The following SLC25A21 variants were observed in gnomAD, a reference collection of about 807,000 sequenced individuals.
The protein encoded by SLC25A21 is mitochondrial 2-oxodicarboxylate carrier.
In SLC25A21, 47 loss-of-function variants were observed where a neutral mutation model predicts 43.8. The observed-to-expected ratio is 1.07, with a 90% CI of 0.85 to 1.37. SLC25A21 has a LOEUF of 1.37. Among genes scored for constraint, SLC25A21 ranks in the 40% most tolerant of loss-of-function variants. The probability of loss-of-function intolerance (pLI) is 0.00; values close to 1 mark genes in which losing one functional copy is unlikely to be tolerated. For synonymous variants in SLC25A21, 131 were observed against 121.3 expected (o/e 1.08, Z -0.52); for missense variants, 352 against 350.2 (o/e 1.00, Z -0.04).
chr14:36,712,781 C>T (rs766051997), intron 6 of SLC25A21, among the ~76,000 whole-genome samples: 1 of 152,038 alleles, frequency 6.6e-6, no homozygotes, highest in African/African-American at 2.4e-5. Context: ...ACATATCATA[C>T]AGGAAAACCA....
chr14:36,855,527 A>C (rs8010503), intron 2 of SLC25A21, among the ~76,000 whole-genome samples: 11,470 of 152,210 alleles, frequency 0.075, 597 homozygotes, highest in East Asian at 0.21. Context: ...CCAATCCAGA[A>C]AGATCCAGTC....
chr14:36,825,099 C>A (rs139338144), intron 2 of SLC25A21, among the ~76,000 whole-genome samples: 79 of 152,306 alleles, frequency 5.2e-4, no homozygotes, highest in African/African-American at 1.8e-3. Flanking sequence ...TGCATCGATA[C>A]ATTCTGGACA....
intron 3 of SLC25A21, among the ~76,000 whole-genome samples, chr14:36,808,495 A>G (rs922893757): frequency 1.3e-5 from 2 of 152,204 alleles, no homozygotes; most frequent in African/African-American, 4.8e-5. Flanking sequence ...ATTTGAGGCT[A>G]GGAATATCAA....
rs1362067781 is a variant in SLC25A21, at chr14:36,819,020, C to G, written c.120-5019G>C. Among the ~76,000 whole-genome samples, 3 of 152,182 alleles carry G rather than the reference C, an allele frequency of 2.0e-5. No homozygotes were observed. In the East Asian group the frequency reaches 5.8e-4, roughly 29 times the overall value. On this transcript the variant is annotated intron_variant, in intron 2 of 9. Transcript: ENST00000331299. Reference sequence around the variant, plus strand: ...AGCAGCTTAAATACATCTGGAATATCCATCTGAGTAACTTCTTTTATTAGG... The same window carrying G: ...AGCAGCTTAAATACATCTGGAATATGCATCTGAGTAACTTCTTTTATTAGG...
intron 1 of SLC25A21, among the ~76,000 whole-genome samples, chr14:36,961,587 G>C (rs1274236696): frequency 6.6e-6 from 1 of 152,116 alleles, no homozygotes; most frequent in Non-Finnish European, 1.5e-5. Flanking sequence ...CTCCCTTACT[G>C]TCCTTAGCCT....
chr14:36,715,393 A>G (rs1446313915), intron 6 of SLC25A21, among the ~76,000 whole-genome samples: 1 of 152,222 alleles, frequency 6.6e-6, no homozygotes, highest in Non-Finnish European at 1.5e-5. Context: ...AAACACATGG[A>G]ATTTTACTAA....
At chr14:37,161,150 C>A (rs1963934284) in intron 1 of SLC25A21, among the ~76,000 whole-genome samples, 1 of 151,894 alleles carries the variant, frequency 6.6e-6, no homozygotes, top group East Asian at 1.9e-4. Context: ...TAAAAAATTT[C>A]TCATATATTC....
At chr14:36,880,792 T>C (rs1321688438) in intron 1 of SLC25A21, among the ~76,000 whole-genome samples, 18 of 152,226 alleles carry the variant, frequency 1.2e-4, no homozygotes, top group African/African-American at 2.4e-5. Context: ...TACAGAAGTA[T>C]GATATTGTTA....
chr14:36,824,702 G>A (rs1888758714), intron 2 of SLC25A21, among the ~76,000 whole-genome samples: 1 of 149,386 alleles, frequency 6.7e-6, no homozygotes, highest in Non-Finnish European at 1.5e-5. Context: ...TTCAGTGAGT[G>A]ACCAGTAAAA....
chr14:37,044,806 C>T (rs922282554), intron 1 of SLC25A21, among the ~76,000 whole-genome samples: 4 of 152,144 alleles, frequency 2.6e-5, no homozygotes, highest in African/African-American at 4.8e-5. Flanking sequence ...TGATCTCCAA[C>T]TTTTTTGGTT....
At chr14:36,711,859 A>G (rs1883889697) in intron 6 of SLC25A21, among the ~76,000 whole-genome samples, 2 of 152,228 alleles carry the variant, frequency 1.3e-5, no homozygotes, top group Non-Finnish European at 2.9e-5. Flanking sequence ...TACATTATCC[A>G]AAAGGAATTT....
chr14:37,016,136 G>A (rs1960850013), intron 1 of SLC25A21, among the ~76,000 whole-genome samples: 2 of 152,114 alleles, frequency 1.3e-5, no homozygotes, highest in South Asian at 4.1e-4. Flanking sequence ...GTCCTGAATG[G>A]TAATGCCTAG....
chr14:36,780,202 TTTTTGA>T (rs1464092342), intron 3 of SLC25A21, among the ~76,000 whole-genome samples: 2 of 151,926 alleles, frequency 1.3e-5, no homozygotes, highest in Admixed American at 6.6e-5. Flanking sequence ...TTCTCTTTAA[TTTTTGA>T]TTTTGAGTCA....
chr14:36,823,595 A>T (rs1214287216), intron 2 of SLC25A21, among the ~76,000 whole-genome samples: 1 of 152,206 alleles, frequency 6.6e-6, no homozygotes, highest in Non-Finnish European at 1.5e-5. Flanking sequence ...GGAAGGATGA[A>T]TCAAAGACTG....
chr14:36,894,157 C>A (rs1453122973), intron 1 of SLC25A21, among the ~76,000 whole-genome samples: 1 of 152,178 alleles, frequency 6.6e-6, no homozygotes, highest in Non-Finnish European at 1.5e-5. Flanking sequence ...GATATTGATT[C>A]TTCCTACCCA....
At chr14:36,925,332 C>T (rs565524559) in intron 1 of SLC25A21, among the ~76,000 whole-genome samples, 1 of 152,062 alleles carries the variant, frequency 6.6e-6, no homozygotes, top group African/African-American at 2.4e-5. Flanking sequence ...TATATGCTGT[C>T]TAGGAGAAAC....
chr14:37,155,612 G>C (rs919277566), intron 1 of SLC25A21, among the ~76,000 whole-genome samples: 1 of 151,948 alleles, frequency 6.6e-6, no homozygotes, highest in Non-Finnish European at 1.5e-5. Flanking sequence ...AACCTTATAG[G>C]CCAGAAGAGA....
intron 1 of SLC25A21, among the ~76,000 whole-genome samples, chr14:37,166,400 C>T (rs1964030423): frequency 6.6e-6 from 1 of 152,188 alleles, no homozygotes; most frequent in African/African-American, 2.4e-5. Context: ...ATTACAGCTA[C>T]AGCGATTATA....
In SLC25A21 at chr14:36,680,175, ATAT is replaced by A. The variant is rs150289856; in HGVS notation, c.*480_*482del. 1,302 of 836,612 alleles carry A rather than the reference ATAT, an allele frequency of 1.6e-3. 18 individuals carry two copies. The African/African-American group carries it at 0.023, about 15-fold the overall frequency. 51.8% of individuals were successfully genotyped at this position (836,612 alleles called of 1,614,324 possible). ...AAAAAATTTTTCTTGTGCTCTTTAA[ATAT>A]TATTTATGGAATAATTTAATTCATT... On this transcript the variant is annotated 3_prime_UTR_variant, in exon 10 of 10. Coordinates refer to ENST00000331299, the MANE Select transcript of SLC25A21 (RefSeq NM_030631.4).
Sources: allele counts gnomAD v4.1 joint callset (sites outside exome capture counted in the v4.1 genomes callset), GRCh38; gene constraint gnomAD v4.1.1; transcripts MANE v1.5; gene names NCBI Gene and HGNC (gene_info 2026-07-23, HGNC 2026-07-21).